The following ATP2B2 variants were observed in gnomAD, a reference collection of about 807,000 sequenced individuals.
ATP2B2 encodes ATPase plasma membrane Ca2+ transporting 2.
A neutral mutation model predicts 120.0 loss-of-function variants in ATP2B2; 15 were observed. The observed-to-expected ratio is 0.12, with a 90% CI of 0.08 to 0.19. The LOEUF is 0.19. Among genes scored for constraint, ATP2B2 ranks in the 10% least tolerant of loss-of-function variants. The pLI is 1.00. For missense variants in ATP2B2, 1,045 were observed against 1,719.8 expected, an observed-to-expected ratio of 0.61 and a Z score of 6.94; for synonymous variants, 694 against 700.3, an observed-to-expected ratio of 0.99 and a Z score of 0.14.
chr3:10,689,379 G>A (rs2071602321), intron 1 of ATP2B2, among the ~76,000 whole-genome samples: 1 of 152,164 alleles, frequency 6.6e-6, no homozygotes, highest in African/African-American at 2.4e-5. Flanking sequence ...CTATTTCACA[G>A]AATTGGCAGT....
intron 8 of ATP2B2, among the ~76,000 whole-genome samples, chr3:10,384,080 A>G (rs1409923436): frequency 6.6e-6 from 1 of 152,194 alleles, no homozygotes. Flanking sequence ...GAGCCATACC[A>G]GAATTAGTCC....
At position 10,343,144 on chromosome 3, in the gene ATP2B2, C is replaced by A. The variant is rs1326021507; in HGVS notation, c.2704-179G>T. Among the ~76,000 whole-genome samples the A allele has an allele frequency of 6.6e-6, 1 of 152,160 alleles. No homozygotes were observed. The highest frequency in any genetic ancestry group is 1.5e-5 in the Non-Finnish European group (1 of 68,012). ...TGCCTTCTCTGGAGAACAGTGCAGA[C>A]CTGCCCACCTCAGCCACATCTTCCC... On this transcript the variant is annotated intron_variant, in intron 18 of 22. Transcript: ENST00000360273. The surrounding 1 kb of genome is among the most constrained non-coding windows in gnomAD (Gnocchi z 4.2).
intron 1 of ATP2B2, among the ~76,000 whole-genome samples, chr3:10,465,417 G>A (rs2064693689): frequency 6.6e-6 from 1 of 152,240 alleles, no homozygotes; most frequent in Non-Finnish European, 1.5e-5. Flanking sequence ...AAGAGTGGGA[G>A]GTGCTGTTTG....
intron 2 of ATP2B2, among the ~76,000 whole-genome samples, chr3:10,588,665 C>A (rs1403417545): frequency 6.6e-6 from 1 of 152,182 alleles, no homozygotes; most frequent in Non-Finnish European, 1.5e-5. Flanking sequence ...GTATCTCTCA[C>A]CCAGCACCCA....
chr3:10,627,731 C>G (rs2069745291), intron 1 of ATP2B2, among the ~76,000 whole-genome samples: 1 of 152,192 alleles, frequency 6.6e-6, no homozygotes, highest in Admixed American at 6.5e-5. Context: ...TATTGAGCAC[C>G]TACCATGTGC....
intron 1 of ATP2B2, among the ~76,000 whole-genome samples, chr3:10,483,851 G>T (rs761563510): frequency 1.3e-5 from 2 of 152,232 alleles, no homozygotes; most frequent in Non-Finnish European, 2.9e-5. Context: ...CCCACGGAAG[G>T]ACTTGGGGGC....
chr3:10,535,203 C>T (rs1023650702), intron 2 of ATP2B2, among the ~76,000 whole-genome samples: 1 of 151,992 alleles, frequency 6.6e-6, no homozygotes, highest in Non-Finnish European at 1.5e-5. Flanking sequence ...CGCCCCCAGC[C>T]CTATTTGTAA....
At chr3:10,449,049 T>C (rs1032457513) in intron 2 of ATP2B2, among the ~76,000 whole-genome samples, 1 of 152,234 alleles carries the variant, frequency 6.6e-6, no homozygotes, top group Non-Finnish European at 1.5e-5. Context: ...AATGTTGAAC[T>C]CGCCACTCTG....
chr3:10,421,954 G>A (rs1278413385), intron 2 of ATP2B2, among the ~76,000 whole-genome samples: 1 of 152,214 alleles, frequency 6.6e-6, no homozygotes, highest in Non-Finnish European at 1.5e-5. Context: ...ATCCTCCCCT[G>A]ACAGCATTTG....
chr3:10,603,792 T>C (rs964403395), intron 2 of ATP2B2, among the ~76,000 whole-genome samples: 1 of 152,008 alleles, frequency 6.6e-6, no homozygotes, highest in Non-Finnish European at 1.5e-5. Context: ...TCTCCTTCAG[T>C]CTTTCCAGGA....
intron 1 of ATP2B2, among the ~76,000 whole-genome samples, chr3:10,697,713 C>T (rs1231773820): frequency 6.6e-6 from 1 of 152,206 alleles, no homozygotes; most frequent in Non-Finnish European, 1.5e-5. Flanking sequence ...ATTGCAACAT[C>T]TTTGAGGACA....
intron 2 of ATP2B2, among the ~76,000 whole-genome samples, chr3:10,561,021 T>C (rs183954873): frequency 5.3e-5 from 8 of 152,328 alleles, no homozygotes; most frequent in African/African-American, 1.9e-4. Context: ...AGGTCACTGC[T>C]GAAGAATGAC....
In ATP2B2 at chr3:10,379,759, G is replaced by T. The variant is rs577570880; in HGVS notation, c.1001-475C>A. Among the ~76,000 whole-genome samples the T allele has an allele frequency of 4.0e-5, 6 of 150,830 alleles. No individual in the cohort carries two copies. In the East Asian group the frequency reaches 1.2e-3, roughly 29 times the overall value. On this transcript the variant is annotated intron_variant, in intron 8 of 22. Transcript: ENST00000360273. ...AAGAAAACATGCAGTAGAGAGAGGG[G>T]AGAGGGGGAGAGAGAGAGAAAGAGA...
At chr3:10,421,510 G>C (rs138606238) in intron 2 of ATP2B2, among the ~76,000 whole-genome samples, 2 of 152,334 alleles carry the variant, frequency 1.3e-5, no homozygotes, top group East Asian at 1.9e-4. Context: ...GCTGCAGAAG[G>C]CTGGAGAAGG....
chr3:10,642,849 C>T (rs73035797), intron 1 of ATP2B2, among the ~76,000 whole-genome samples: 7,671 of 152,234 alleles, frequency 0.05, 230 homozygotes, highest in South Asian at 0.17. Flanking sequence ...GAGCTCAGCA[C>T]CCCCTGCTTC....
At chr3:10,434,876 A>G (rs562807607) in intron 2 of ATP2B2, among the ~76,000 whole-genome samples, 1 of 152,372 alleles carries the variant, frequency 6.6e-6, no homozygotes, top group East Asian at 1.9e-4. Context: ...CCATTGGCAG[A>G]TCAGGTATCT....
chr3:10,660,165 C>A (rs113183575), intron 1 of ATP2B2, among the ~76,000 whole-genome samples: 14,305 of 152,184 alleles, frequency 0.094, 1,132 homozygotes, highest in African/African-American at 0.22. Context: ...AAAATCAACA[C>A]CCTAACATCA....
intron 1 of ATP2B2, among the ~76,000 whole-genome samples, chr3:10,683,748 A>ATGTGTGTGTGTGTGTGTGTG (rs372159079): frequency 5.2e-5 from 3 of 57,330 alleles, no homozygotes; most frequent in African/African-American, 2.1e-4. Flanking sequence ...GTGTATATAT[A>ATGTGTGTGTGTGTGTGTGTG]TGTGTGTGTG....
At chr3:10,691,198 C>T (rs1306012119) in intron 1 of ATP2B2, among the ~76,000 whole-genome samples, 1 of 152,220 alleles carries the variant, frequency 6.6e-6, no homozygotes, top group Non-Finnish European at 1.5e-5. Context: ...TTCTTGGAGC[C>T]TCAGGGGTCT....
Sources: gnomAD v4.1 joint callset for allele counts (sites outside exome capture counted in the v4.1 genomes callset) on GRCh38, gnomAD v4.1.1 for gene constraint, Gnocchi (gnomAD v3.1) non-coding constraint, MANE v1.5 for transcripts, NCBI Gene and HGNC (gene_info 2026-07-23, HGNC 2026-07-21) for gene names.